Variants in HYAL4 observed in about 807,000 individuals in gnomAD.
The protein encoded by HYAL4 is hyaluronidase 4, also known as hyaluronidase-4.
In HYAL4, 37 loss-of-function variants were observed where a neutral mutation model predicts 35.2. The ratio of observed to expected loss-of-function variants is 1.05; its 90% CI spans 0.81 to 1.38. The LOEUF is 1.38. Ranked by LOEUF, HYAL4 falls within the 40% of genes most tolerant of loss-of-function variation. The probability of loss-of-function intolerance (pLI) is 0.00; values close to 1 mark genes in which losing one functional copy is unlikely to be tolerated. For synonymous variants in HYAL4, 198 were observed against 203.2 expected, an observed-to-expected ratio of 0.97 and a Z score of 0.22; for missense variants, 572 against 572.4, an observed-to-expected ratio of 1.00 and a Z score of 0.01.
In HYAL4 at chr7:123,868,841, A is replaced by G; in HGVS notation, c.568A>G (p.Thr190Ala). 6.2e-7 allele frequency: 1 copy of G among 1,614,192 alleles called. No individual in the cohort carries two copies. The highest frequency in any genetic ancestry group is 8.5e-7 in the Non-Finnish European group (1 of 1,180,014). ...CGATATTGAATATTTAGCCAAAGTG[A>G]CCTTTGAAGAAAGTGCAAAAGCTTT... ...ATDIEYLAKV[T>A]FEESAKAFMK... The change falls in exon 3 of 5, where the codon ACC becomes GCC. Residue 190 changes from threonine (T) to alanine (A), a missense_variant. Transcript: ENST00000223026.
the HYAL4 span, among the ~76,000 whole-genome samples, chr7:123,770,513 G>A: frequency 6.6e-6 from 1 of 151,782 alleles, no homozygotes; most frequent in African/African-American, 2.4e-5. Context: ...ATTAAAGTTG[G>A]AAAGATAGGT....
chr7:123,862,068 T>G (rs963928928), intron 2 of HYAL4, among the ~76,000 whole-genome samples: 2 of 152,146 alleles, frequency 1.3e-5, no homozygotes, highest in African/African-American at 4.8e-5. Flanking sequence ...GAGAAAAAAA[T>G]AGATGCCTAT....
At chr7:123,867,270 C>A (rs1806714310) in intron 2 of HYAL4, among the ~76,000 whole-genome samples, 3 of 152,072 alleles carry the variant, frequency 2.0e-5, no homozygotes, top group Admixed American at 2.0e-4. Flanking sequence ...TCCATCTCCC[C>A]AAGCAACTAA....
the HYAL4 span, among the ~76,000 whole-genome samples, chr7:123,803,187 G>A: frequency 6.6e-6 from 1 of 152,194 alleles, no homozygotes; most frequent in Non-Finnish European, 1.5e-5. Flanking sequence ...TACTTGGAGG[G>A]CTGAGATAGG....
At chr7:123,860,008 C>T (rs1157652353) in intron 2 of HYAL4, among the ~76,000 whole-genome samples, 1 of 152,112 alleles carries the variant, frequency 6.6e-6, no homozygotes, top group Non-Finnish European at 1.5e-5. Flanking sequence ...TGGGAGGGAC[C>T]TGTAATCCCC....
At chr7:123,857,227 G>A (rs2116938653) in intron 2 of HYAL4, among the ~76,000 whole-genome samples, 1 of 152,066 alleles carries the variant, frequency 6.6e-6, no homozygotes, top group South Asian at 2.1e-4. Flanking sequence ...GTGCCACTGG[G>A]GTACAAAAAA....
chr7:123,836,598 T>C (rs1421422411), intron 1 of HYAL4, among the ~76,000 whole-genome samples: 1 of 152,188 alleles, frequency 6.6e-6, no homozygotes, highest in Non-Finnish European at 1.5e-5. Context: ...TACAGAGATG[T>C]AAGGTACTAG....
chr7:123,831,896 G>T (rs1430592134), intron 1 of HYAL4, among the ~76,000 whole-genome samples: 1 of 152,118 alleles, frequency 6.6e-6, no homozygotes, highest in Non-Finnish European at 1.5e-5. Context: ...ATCAAAATAG[G>T]TAGAAAATTA....
At chr7:123,844,883 A>G (rs1806143839), upstream of HYAL4, among the ~76,000 whole-genome samples, 1 of 152,116 alleles carries the variant, frequency 6.6e-6, no homozygotes, top group Admixed American at 6.5e-5. Flanking sequence ...GTCCTTGGGA[A>G]AAGCACTATT....
upstream of HYAL4, among the ~76,000 whole-genome samples, chr7:123,842,368 G>A (rs553631863): frequency 6.6e-6 from 1 of 152,106 alleles, no homozygotes; most frequent in Admixed American, 6.5e-5. Context: ...GAGACAGTTT[G>A]TTGTGATTTC....
the HYAL4 span, among the ~76,000 whole-genome samples, chr7:123,795,506 A>T: frequency 9.9e-5 from 15 of 152,196 alleles, no homozygotes; most frequent in East Asian, 2.7e-3. Context: ...TAATTTAGTC[A>T]TGGGGTGTTT....
At chr7:123,820,224 A>G in the HYAL4 span, among the ~76,000 whole-genome samples, 1 of 151,964 alleles carries the variant, frequency 6.6e-6, no homozygotes, top group South Asian at 2.1e-4. Flanking sequence ...CTGATTACCT[A>G]TTATAGAAAT....
At chr7:123,856,457 C>G (rs1201803866) in intron 2 of HYAL4, among the ~76,000 whole-genome samples, 1 of 152,172 alleles carries the variant, frequency 6.6e-6, no homozygotes, top group Non-Finnish European at 1.5e-5. Flanking sequence ...GGTCCCTCTT[C>G]TGCAGGTCTG....
At chr7:123,768,449 G>A in the HYAL4 span, among the ~76,000 whole-genome samples, 1 of 152,146 alleles carries the variant, frequency 6.6e-6, no homozygotes, top group African/African-American at 2.4e-5. Flanking sequence ...AAACTATAGG[G>A]CATTTTGATT....
chr7:123,834,408 G>A (rs1213817298), intron 1 of HYAL4, among the ~76,000 whole-genome samples: 1 of 152,038 alleles, frequency 6.6e-6, no homozygotes, highest in Admixed American at 6.6e-5. Flanking sequence ...GTTTATAGAA[G>A]AGCTACTGAT....
chr7:123,775,544 C>A, the HYAL4 span, among the ~76,000 whole-genome samples: 1 of 152,204 alleles, frequency 6.6e-6, no homozygotes, highest in African/African-American at 2.4e-5. Context: ...AGTCTTCAAC[C>A]ACATCTGGAA....
chr7:123,773,191 C>T, the HYAL4 span, among the ~76,000 whole-genome samples: 1 of 152,078 alleles, frequency 6.6e-6, no homozygotes, highest in African/African-American at 2.4e-5. Flanking sequence ...AAGGAGTTTT[C>T]GCTGTTAATG....
intron 2 of HYAL4, among the ~76,000 whole-genome samples, chr7:123,858,339 A>G (rs1194769629): frequency 2.0e-5 from 3 of 152,186 alleles, no homozygotes; most frequent in Non-Finnish European, 2.9e-5. Context: ...CTCATAGTCA[A>G]GTTTAACGAA....
the HYAL4 span, among the ~76,000 whole-genome samples, chr7:123,787,778 G>A: frequency 6.6e-6 from 1 of 152,092 alleles, no homozygotes; most frequent in Non-Finnish European, 1.5e-5. Context: ...GAGGAGGAGG[G>A]GCAATTGCAG....
Sources: allele counts gnomAD v4.1 joint callset (sites outside exome capture counted in the v4.1 genomes callset), GRCh38; gene constraint gnomAD v4.1.1; transcripts MANE v1.5; gene names NCBI Gene and HGNC (gene_info 2026-07-23, HGNC 2026-07-21).